SEPTIN9: variants seen among roughly 807,000 people sequenced by gnomAD.
The protein encoded by SEPTIN9 is septin-9.
SEPTIN9 carries 13 observed loss-of-function variants against 56.6 expected under a neutral mutation model. That is an observed-to-expected ratio of 0.23 (90% confidence interval 0.15 to 0.37). The LOEUF (loss-of-function observed/expected upper bound fraction) is 0.37, where lower values mean the gene tolerates loss of function less well. Among genes scored for constraint, SEPTIN9 ranks in the 10% least tolerant of loss-of-function variants. The pLI is 1.00. For synonymous variants in SEPTIN9, 332 were observed against 334.1 expected, an observed-to-expected ratio of 0.99 and a Z score of 0.07; for missense variants, 650 against 823.1, an observed-to-expected ratio of 0.79 and a Z score of 2.57.
intron 10 of SEPTIN9, among the ~76,000 whole-genome samples, chr17:77,494,923 G>A (rs1188086818): frequency 6.6e-6 from 1 of 152,244 alleles, no homozygotes; most frequent in Non-Finnish European, 1.5e-5. Context: ...CAGCCTGGGT[G>A]TTTTCCAGTA....
At chr17:77,320,450 A>AT in intron 2 of SEPTIN9, 1 of 1,002,586 alleles carries the variant, frequency 1.0e-6, no homozygotes, top group South Asian at 1.3e-5. Flanking sequence ...GCTTTTGCTC[A>AT]TTTTTCACAG....
chr17:77,405,429 G>C lies in SEPTIN9; in HGVS notation c.721+2726G>C, dbSNP rs561621022. ...AGAGCTGCCAGGAACCTGGCGCTCT[G>C]GGGGGACGGTGGCTTTCTCCATGGA... On this transcript the variant is annotated intron_variant, in intron 3 of 11. Transcript: ENST00000427177. The surrounding 1 kb of genome is among the most constrained non-coding windows in gnomAD (Gnocchi z 5.8). 3.3e-5 allele frequency among the ~76,000 whole-genome samples: 5 copies of C among 152,192 alleles called. No homozygotes were observed. Among genetic ancestry groups the C allele is most frequent in the Admixed American group, 6.5e-5 (1 of 15,288 alleles).
chr17:77,457,798 G>A (rs1365910632), intron 3 of SEPTIN9, among the ~76,000 whole-genome samples: 1 of 152,268 alleles, frequency 6.6e-6, no homozygotes, highest in African/African-American at 2.4e-5. Context: ...CCCTCCCTCA[G>A]TGACGCAGTG....
chr17:77,338,327 TAGA>T (rs111413962), intron 2 of SEPTIN9, among the ~76,000 whole-genome samples: 30,333 of 152,210 alleles, frequency 0.2, 3,183 homozygotes, highest in Middle Eastern at 0.27. Context: ...TTTTTCTTGG[TAGA>T]AGGTCTGCCT....
At chr17:77,419,862 C>T (rs2036636530) in intron 3 of SEPTIN9, 1 of 152,292 alleles carries the variant, frequency 6.6e-6, no homozygotes, top group African/African-American at 2.4e-5. Flanking sequence ...GAGGCTGCAT[C>T]CCCCAAGGCC....
rs77614678 is a variant in SEPTIN9, at chr17:77,358,082, T to A, written c.77-43977T>A. ...CTTTCAATCTAGGTATTGTTCTCAA[T>A]GGACAGCTTAGTCAACGGAAGCTCA... On this transcript the variant is annotated intron_variant, in intron 2 of 11. Transcript: ENST00000427177. 0.019 allele frequency among the ~76,000 whole-genome samples: 2,856 copies of A among 152,318 alleles called. 131 individuals are homozygous for A. The East Asian group carries it at 0.19, about 10-fold the overall frequency.
rs2032768852 is a variant in SEPTIN9, at chr17:77,317,979, T to A, written c.76+10782T>A. Among the ~76,000 whole-genome samples, 1 of 152,142 alleles carries A rather than the reference T, an allele frequency of 6.6e-6. No homozygotes were observed. Among genetic ancestry groups the A allele is most frequent in the Non-Finnish European group, 1.5e-5 (1 of 68,010 alleles). ...GGCAGAAGAATTGCTTGAACCCAGG[T>A]GGCGGAGGTTGCAGTGAACTGAGAT... On this transcript the variant is annotated intron_variant, in intron 2 of 11. Coordinates refer to ENST00000427177, the MANE Select transcript of SEPTIN9 (RefSeq NM_001113491.2). This position sits in a 1 kb window ranked among gnomAD's most constrained non-coding sequence, Gnocchi z 4.2.
Position 77,450,800 on chromosome 17 carries a change from C to T in SEPTIN9, c.722-31344C>T. 1.0e-6 allele frequency: 1 copy of T among 986,438 alleles called. No individual in the cohort carries two copies. Among genetic ancestry groups the T allele is most frequent in the South Asian group, 4.7e-5 (1 of 21,298 alleles). 61.1% of individuals were successfully genotyped at this position (986,438 alleles called of 1,614,324 possible). ...GAAGAGCTCAGGGTGAGCTGCGCCC[C>T]CATCCCCTGCCCCTCCTCTCCTGCT... On this transcript the variant is annotated intron_variant, in intron 3 of 11. Transcript: ENST00000427177. The surrounding 1 kb of genome is among the most constrained non-coding windows in gnomAD (Gnocchi z 6.0).
intron 3 of SEPTIN9, among the ~76,000 whole-genome samples, chr17:77,415,762 G>T (rs2036483897): frequency 6.6e-6 from 1 of 152,256 alleles, no homozygotes; most frequent in South Asian, 2.1e-4. Context: ...TGCGACCAAG[G>T]CACACGAGGG....
chr17:77,407,976 C>G lies in SEPTIN9; in HGVS notation c.721+5273C>G, dbSNP rs577173329. Among the ~76,000 whole-genome samples the G allele has an allele frequency of 2.4e-4, 36 of 152,198 alleles. No homozygotes were observed. In the South Asian group the frequency reaches 3.9e-3, roughly 17 times the overall value. On this transcript the variant is annotated intron_variant, in intron 3 of 11. Transcript: ENST00000427177. ...CTGGCTGCTGGCTCAGAGCCCCCCC[C>G]ACCAGAGTTACCCCCCTCCGGCTCC...
rs1251124505 is a variant in SEPTIN9, at chr17:77,367,874, T to C, written c.77-34185T>C. On this transcript the variant is annotated intron_variant, in intron 2 of 11. Transcript: ENST00000427177. This position sits in a 1 kb window ranked among gnomAD's most constrained non-coding sequence, Gnocchi z 4.5. Reference sequence around the variant, plus strand: ...ATAATAAAATAATAAAAGCAAGGACTTGAACAAATATTTGCACACCCATGT... The same window carrying C: ...ATAATAAAATAATAAAAGCAAGGACCTGAACAAATATTTGCACACCCATGT... Among the ~76,000 whole-genome samples, 1 of 152,112 alleles carries C rather than the reference T, an allele frequency of 6.6e-6. No individual in the cohort carries two copies. Among genetic ancestry groups the C allele is most frequent in the African/African-American group, 2.4e-5 (1 of 41,398 alleles).
chr17:77,287,810 A>T, intron 1 of SEPTIN9: 7 of 894,274 alleles, frequency 7.8e-6, no homozygotes, highest in Non-Finnish European at 9.5e-6. Flanking sequence ...TCTCCAAAGC[A>T]TGACTGTTGG....
Position 77,319,938 on chromosome 17 carries a change from G to A in SEPTIN9, c.76+12741G>A. The A allele has an allele frequency of 8.7e-7, 1 of 1,149,822 alleles. No individual in the cohort carries two copies. The highest frequency in any genetic ancestry group is 1.1e-6 in the Non-Finnish European group (1 of 931,446). 71.2% of individuals were successfully genotyped at this position (1,149,822 alleles called of 1,614,324 possible). A position where few individuals can be genotyped will look rare whatever the true frequency, so the allele number is the denominator to read the frequency against. ...GGAAGCCGCACTCGGGACCTCTGCA[G>A]CCACCGACCAGACCGGGCGGCCGGG... On this transcript the variant is annotated intron_variant, in intron 2 of 11. Coordinates refer to ENST00000427177, the MANE Select transcript of SEPTIN9 (RefSeq NM_001113491.2). The surrounding 1 kb of genome is among the most constrained non-coding windows in gnomAD (Gnocchi z 5.3).
chr17:77,495,065 A>G (rs312801), intron 10 of SEPTIN9, among the ~76,000 whole-genome samples: 23,152 of 152,108 alleles, frequency 0.15, 2,149 homozygotes, highest in East Asian at 0.42. Flanking sequence ...AGAGTTAGGG[A>G]TGGATGGGCC....
At chr17:77,353,038 A>G (rs1276085201) in intron 2 of SEPTIN9, among the ~76,000 whole-genome samples, 1 of 152,012 alleles carries the variant, frequency 6.6e-6, no homozygotes, top group Non-Finnish European at 1.5e-5. Context: ...ATCTTCAAAG[A>G]CCCTATGTCC....
intron 2 of SEPTIN9, among the ~76,000 whole-genome samples, chr17:77,350,622 T>G (rs896391520): frequency 3.3e-5 from 5 of 151,724 alleles, no homozygotes; most frequent in African/African-American, 1.2e-4. Flanking sequence ...TGTGTGTGTG[T>G]GTGTGTGTGT....
rs2033186051 is a variant in SEPTIN9 at position 77,327,549 on chromosome 17, G to A, written c.76+20352G>A. Among the ~76,000 whole-genome samples, 1 of 152,232 alleles carries A rather than the reference G, an allele frequency of 6.6e-6. No individual in the cohort carries two copies. The highest frequency in any genetic ancestry group is 2.4e-5 in the African/African-American group (1 of 41,470). Reference sequence around the variant, plus strand: ...AGGCAAGGCTGGCATGCTCTGGGCAGTGGGGGCTGGGTATGGGAGGGGATC... The same window carrying A: ...AGGCAAGGCTGGCATGCTCTGGGCAATGGGGGCTGGGTATGGGAGGGGATC... On this transcript the variant is annotated intron_variant, in intron 2 of 11. Coordinates refer to ENST00000427177, the MANE Select transcript of SEPTIN9 (RefSeq NM_001113491.2). The surrounding 1 kb of genome is among the most constrained non-coding windows in gnomAD (Gnocchi z 5.0).
At chr17:77,301,432 G>A (rs1206243930) in intron 1 of SEPTIN9, among the ~76,000 whole-genome samples, 2 of 119,148 alleles carry the variant, frequency 1.7e-5, no homozygotes, top group African/African-American at 5.7e-5. Flanking sequence ...GTGTGTGTGT[G>A]TGTGTGTTTT....
chr17:77,339,137 G>A lies in SEPTIN9; in HGVS notation c.76+31940G>A, dbSNP rs189587026. Among the ~76,000 whole-genome samples, 335 of 152,252 alleles carry A rather than the reference G, an allele frequency of 2.2e-3. 1 individual carries two copies. Among genetic ancestry groups the A allele is most frequent in the African/African-American group, 7.6e-3 (316 of 41,550 alleles). ...AGTCTTAAACCGCTCATCCATGAGG[G>A]TTGGAATCAACTTCTTCCAAACTCC... On this transcript the variant is annotated intron_variant, in intron 2 of 11. Coordinates refer to ENST00000427177, the MANE Select transcript of SEPTIN9 (RefSeq NM_001113491.2).
Sources: allele counts gnomAD v4.1 joint callset (sites outside exome capture counted in the v4.1 genomes callset), GRCh38; gene constraint gnomAD v4.1.1; non-coding constraint Gnocchi (gnomAD v3.1); transcripts MANE v1.5; gene names NCBI Gene and HGNC (gene_info 2026-07-23, HGNC 2026-07-21).